IPCEF1: variants seen among roughly 807,000 people sequenced by gnomAD.
The protein encoded by IPCEF1 is interactor protein for cytohesin exchange factors 1.
A neutral mutation model predicts 50.9 loss-of-function variants in IPCEF1; 31 were observed. The ratio of observed to expected loss-of-function variants is 0.61; its 90% confidence interval spans 0.46 to 0.82. The LOEUF (loss-of-function observed/expected upper bound fraction) is 0.82. IPCEF1 is among the 40% of genes least tolerant of loss of function. The pLI is 0.00. For missense variants in IPCEF1, 458 were observed against 514.0 expected, an observed-to-expected ratio of 0.89 and a Z score of 1.05; for synonymous variants, 181 against 192.0, an observed-to-expected ratio of 0.94 and a Z score of 0.47.
intron 5 of IPCEF1, among the ~76,000 whole-genome samples, chr6:154,231,970 T>G (rs117944458): frequency 2.6e-5 from 4 of 152,362 alleles, no homozygotes; most frequent in African/African-American, 9.6e-5. Flanking sequence ...ACTTTGACTA[T>G]ACGTATTTCA....
In IPCEF1 at chr6:154,281,375, A is replaced by T. The variant is rs577901993; in HGVS notation, c.-18+8338T>A. Among the ~76,000 whole-genome samples the T allele has an allele frequency of 7.9e-3, 1,194 of 151,814 alleles. 23 individuals carry two copies. Among genetic ancestry groups the T allele is most frequent in the African/African-American group, 0.028 (1,143 of 41,372 alleles). ...CTCGAAAAAAAAAAAAATTTTTTTT[A>T]AAGTAGCCTTGTGTGGTGGTGCATG... On this transcript the variant is annotated intron_variant, in intron 2 of 11. Transcript: ENST00000367220.
intron 10 of IPCEF1, among the ~76,000 whole-genome samples, chr6:154,185,845 C>G (rs1469800277): frequency 6.6e-6 from 1 of 152,218 alleles, no homozygotes; most frequent in Non-Finnish European, 1.5e-5. Flanking sequence ...GGGCCACATT[C>G]AAAGCTGTCC....
At chr6:154,340,076 C>CGAAA (rs150345113) in intron 1 of IPCEF1, among the ~76,000 whole-genome samples, 15,257 of 151,794 alleles carry the variant, frequency 0.1, 965 homozygotes, top group South Asian at 0.31. Flanking sequence ...GGGAACTTCC[C>CGAAA]GAGTCTCTAG....
chr6:154,287,288 G>A (rs1440646500), intron 2 of IPCEF1, among the ~76,000 whole-genome samples: 3 of 151,770 alleles, frequency 2.0e-5, no homozygotes, highest in African/African-American at 7.3e-5. Context: ...TACAGCCTGT[G>A]GAACTATGGG....
At chr6:154,180,027 C>T (rs1429145645) in intron 10 of IPCEF1, among the ~76,000 whole-genome samples, 2 of 152,128 alleles carry the variant, frequency 1.3e-5, no homozygotes, top group Non-Finnish European at 2.9e-5. Context: ...ATGCTAGCCT[C>T]AAGTCATTGG....
intron 11 of IPCEF1, among the ~76,000 whole-genome samples, chr6:154,167,641 T>A (rs925292060): frequency 6.6e-6 from 1 of 152,212 alleles, no homozygotes; most frequent in Non-Finnish European, 1.5e-5. Context: ...AAATTATGCA[T>A]GGTCCTTGCT....
intron 10 of IPCEF1, among the ~76,000 whole-genome samples, chr6:154,184,998 T>G (rs921941030): frequency 1.7e-4 from 26 of 152,220 alleles, no homozygotes; most frequent in Non-Finnish European, 8.8e-5. Flanking sequence ...TGTCTGCATA[T>G]AGCCCTTTTT....
chr6:154,250,439 AACTT>A (rs1439003915), intron 3 of IPCEF1, among the ~76,000 whole-genome samples: 1 of 152,232 alleles, frequency 6.6e-6, no homozygotes, highest in Non-Finnish European at 1.5e-5. Context: ...ATTTTGCCCT[AACTT>A]ACTTCTAAAG....
intron 7 of IPCEF1, among the ~76,000 whole-genome samples, chr6:154,216,242 T>G (rs769345428): frequency 1.3e-5 from 2 of 152,262 alleles, no homozygotes; most frequent in Admixed American, 6.5e-5. Context: ...AATAAATTAT[T>G]TATTCTATCA....
chr6:154,319,049 T>A (rs1783304592), intron 1 of IPCEF1, among the ~76,000 whole-genome samples: 1 of 152,230 alleles, frequency 6.6e-6, no homozygotes, highest in Non-Finnish European at 1.5e-5. Context: ...AACTAATATC[T>A]TAGATTTAAA....
intron 1 of IPCEF1, among the ~76,000 whole-genome samples, chr6:154,343,850 A>G (rs1165020652): frequency 6.6e-6 from 1 of 152,228 alleles, no homozygotes; most frequent in Non-Finnish European, 1.5e-5. Context: ...AGGCCATTAG[A>G]AACTGGGTCC....
At chr6:154,286,767 G>C (rs1231298864) in intron 2 of IPCEF1, among the ~76,000 whole-genome samples, 1 of 152,216 alleles carries the variant, frequency 6.6e-6, no homozygotes, top group Non-Finnish European at 1.5e-5. Context: ...CTTCATGTTA[G>C]CATCAGGTGG....
intron 2 of IPCEF1, among the ~76,000 whole-genome samples, chr6:154,270,199 G>A (rs1781867849): frequency 6.6e-6 from 1 of 152,210 alleles, no homozygotes; most frequent in Non-Finnish European, 1.5e-5. Flanking sequence ...TGTATATCAA[G>A]AGGTTTCCAG....
intron 9 of IPCEF1, among the ~76,000 whole-genome samples, chr6:154,207,192 G>T (rs1777571438): frequency 6.6e-6 from 1 of 152,228 alleles, no homozygotes; most frequent in African/African-American, 2.4e-5. Flanking sequence ...GAGCCACCGG[G>T]CTGCGTGACT....
At chr6:154,202,579 C>G (rs60145555) in intron 9 of IPCEF1, among the ~76,000 whole-genome samples, 8,420 of 152,266 alleles carry the variant, frequency 0.055, 341 homozygotes, top group South Asian at 0.19. Flanking sequence ...TTTCCTCTTA[C>G]TCCTGCTGAC....
chr6:154,337,804 T>C (rs1783819717), intron 1 of IPCEF1, among the ~76,000 whole-genome samples: 2 of 152,208 alleles, frequency 1.3e-5, no homozygotes, highest in Admixed American at 1.3e-4. Flanking sequence ...CTAAGCTTTG[T>C]GGTGTATGCA....
rs1284751054 is a variant in IPCEF1, at chr6:154,260,097, C to T, written c.36+5815G>A. 4.6e-5 allele frequency among the ~76,000 whole-genome samples: 7 copies of T among 152,046 alleles called. No homozygotes were observed. In the East Asian group the frequency reaches 1.3e-3, roughly 29 times the overall value. On this transcript the variant is annotated intron_variant, in intron 3 of 11. Transcript: ENST00000367220. ...TGACTACACATAGTCACATAAAGACCGATGCTTTGTGAGTGGCGAATGCAG... is the reference window on the plus strand; with the variant it reads ...TGACTACACATAGTCACATAAAGACTGATGCTTTGTGAGTGGCGAATGCAG...
chr6:154,181,289 G>A (rs1407579877), intron 10 of IPCEF1, among the ~76,000 whole-genome samples: 2 of 152,238 alleles, frequency 1.3e-5, no homozygotes, highest in East Asian at 3.9e-4. Flanking sequence ...TTCCTGTTGG[G>A]TAGAGATAAC....
At chr6:154,279,307 G>A (rs1262594872) in intron 2 of IPCEF1, among the ~76,000 whole-genome samples, 1 of 152,096 alleles carries the variant, frequency 6.6e-6, no homozygotes, top group Non-Finnish European at 1.5e-5. Flanking sequence ...CTTCAATGAA[G>A]AAATCAATTT....
Sources: allele counts gnomAD v4.1 joint callset (sites outside exome capture counted in the v4.1 genomes callset), GRCh38; gene constraint gnomAD v4.1.1; transcripts MANE v1.5; gene names NCBI Gene and HGNC (gene_info 2026-07-23, HGNC 2026-07-21).